Variants in SOBP observed in about 807,000 individuals in gnomAD.
SOBP encodes the protein sine oculis binding protein homolog, also known as sine oculis-binding protein homolog.
SOBP carries 4 observed loss-of-function variants against 53.6 expected under a neutral mutation model. The ratio of observed to expected loss-of-function variants is 0.07; its 90% CI spans 0.04 to 0.17. SOBP has a LOEUF of 0.17. Among genes scored for constraint, SOBP ranks in the 10% least tolerant of loss-of-function variants. The probability of loss-of-function intolerance (pLI) is 1.00; values close to 1 mark genes in which losing one functional copy is unlikely to be tolerated. For missense variants in SOBP, 1,088 were observed against 1,204.7 expected (o/e 0.90, Z 1.43); for synonymous variants, 584 against 522.6 (o/e 1.12, Z -1.60).
At chr6:107,491,410 C>T (rs1030664273) in intron 1 of SOBP, among the ~76,000 whole-genome samples, 1 of 152,252 alleles carries the variant, frequency 6.6e-6, no homozygotes, top group African/African-American at 2.4e-5. Flanking sequence ...CTTTGCAGGG[C>T]GCCTGTCCAT....
intron 4 of SOBP, among the ~76,000 whole-genome samples, chr6:107,553,364 T>C (rs952778988): frequency 1.1e-4 from 17 of 151,394 alleles, no homozygotes; most frequent in Non-Finnish European, 1.5e-4. Flanking sequence ...AGTCTCACTG[T>C]GTCGCCCAGG....
At position 107,659,491 on chromosome 6, in the gene SOBP, A is replaced by G. The variant is rs1772204022; in HGVS notation, c.*1288A>G. 6.6e-6 allele frequency: 1 copy of G among 151,440 alleles called. No individual in the cohort carries two copies. Among genetic ancestry groups the G allele is most frequent in the Non-Finnish European group, 1.5e-5 (1 of 67,816 alleles). 9.4% of individuals were successfully genotyped at this position (151,440 alleles called of 1,614,324 possible). A position where few individuals can be genotyped will look rare whatever the true frequency, so the allele number is the denominator to read the frequency against. On this transcript the variant is annotated 3_prime_UTR_variant, in exon 7 of 7. Coordinates refer to ENST00000317357, the MANE Select transcript of SOBP (RefSeq NM_018013.4). ...ACAGAAAAAAAAAGAAAAAGAAAAG[A>G]AGAGAAAAAATTAAGAAAAAAATCA...
chr6:107,612,219 A>G (rs1238255778), intron 5 of SOBP, among the ~76,000 whole-genome samples: 1 of 152,188 alleles, frequency 6.6e-6, no homozygotes, highest in Non-Finnish European at 1.5e-5. Context: ...CAAATGGTCA[A>G]CATTGGCTCA....
chr6:107,639,418 T>C (rs1156493317), intron 6 of SOBP, among the ~76,000 whole-genome samples: 1 of 152,178 alleles, frequency 6.6e-6, no homozygotes, highest in Non-Finnish European at 1.5e-5. Flanking sequence ...ACAAATGATT[T>C]CAGTGGACAA....
intron 3 of SOBP, among the ~76,000 whole-genome samples, chr6:107,529,134 A>C (rs1393939615): frequency 6.6e-6 from 1 of 152,214 alleles, no homozygotes; most frequent in Non-Finnish European, 1.5e-5. Context: ...ATTGTACAGA[A>C]ACTCCTGGTG....
At position 107,508,586 on chromosome 6, in the gene SOBP, GA is replaced by G. The variant is rs201183925; in HGVS notation, c.421+2169del. ...AGAGTGAGACTCCGTCTCAAAAAAA[GA>G]AAAAAAAAAGTCCTTTCATATTGAG... On this transcript the variant is annotated intron_variant, in intron 3 of 6. Coordinates refer to ENST00000317357, the MANE Select transcript of SOBP (RefSeq NM_018013.4). Among the ~76,000 whole-genome samples the G allele has an allele frequency of 5.4e-3, 786 of 146,022 alleles. 5 individuals are homozygous for G. Among genetic ancestry groups the G allele is most frequent in the African/African-American group, 0.015 (601 of 39,866 alleles).
Position 107,517,348 on chromosome 6 carries a change from G to A in SOBP, c.421+10921G>A, listed in dbSNP as rs114446727. On this transcript the variant is annotated intron_variant, in intron 3 of 6. Transcript: ENST00000317357. ...AGATCAGAGTGCCAGCAGGGTCAATGTCTGGTGAAGTCTCTCTCCTTGGAG... is the reference window on the plus strand; with the variant it reads ...AGATCAGAGTGCCAGCAGGGTCAATATCTGGTGAAGTCTCTCTCCTTGGAG... Among the ~76,000 whole-genome samples, 965 of 152,310 alleles carry A rather than the reference G, an allele frequency of 6.3e-3. 12 individuals are homozygous for A. The highest frequency in any genetic ancestry group is 0.022 in the African/African-American group (925 of 41,574).
At position 107,617,767 on chromosome 6, in the gene SOBP, T is replaced by G. The variant is rs1076786; in HGVS notation, c.670-15747T>G. Among the ~76,000 whole-genome samples the G allele has an allele frequency of 7.4e-3, 1,119 of 150,630 alleles. 22 individuals carry two copies. Among genetic ancestry groups the G allele is most frequent in the African/African-American group, 0.025 (1,034 of 41,112 alleles). Reference sequence around the variant, plus strand: ...ATCCCAGGGCCAAGCCCATGCTCTCTCTTAAAGTGCCTGGCAACACAGATG... The same window carrying G: ...ATCCCAGGGCCAAGCCCATGCTCTCGCTTAAAGTGCCTGGCAACACAGATG... On this transcript the variant is annotated intron_variant, in intron 5 of 6. Transcript: ENST00000317357.
intron 5 of SOBP, among the ~76,000 whole-genome samples, chr6:107,609,092 C>T (rs966337565): frequency 1.4e-4 from 22 of 152,296 alleles, no homozygotes; most frequent in African/African-American, 5.3e-4. Flanking sequence ...CACTTAGATC[C>T]ATGATCTCAG....
intron 4 of SOBP, among the ~76,000 whole-genome samples, chr6:107,574,634 C>T (rs1785171920): frequency 6.6e-6 from 1 of 152,170 alleles, no homozygotes; most frequent in Non-Finnish European, 1.5e-5. Flanking sequence ...CGCTGAATCA[C>T]AGGACTCCCC....
intron 5 of SOBP, among the ~76,000 whole-genome samples, chr6:107,628,186 A>G (rs1290161820): frequency 6.6e-6 from 1 of 152,254 alleles, no homozygotes; most frequent in Admixed American, 6.5e-5. Context: ...CCAAGCAGCC[A>G]TGTCGCTTTA....
At chr6:107,493,109 C>T (rs534601940) in intron 1 of SOBP, among the ~76,000 whole-genome samples, 1 of 152,242 alleles carries the variant, frequency 6.6e-6, no homozygotes. Context: ...TACTATTACT[C>T]CTCCAGCTCC....
At chr6:107,656,005 C>T (rs1260962808) in intron 6 of SOBP, among the ~76,000 whole-genome samples, 1 of 152,164 alleles carries the variant, frequency 6.6e-6, no homozygotes. Context: ...CTCCCTCCTC[C>T]CTTTTAAAGA....
At chr6:107,575,566 A>T (rs1001417999) in intron 4 of SOBP, among the ~76,000 whole-genome samples, 5 of 152,140 alleles carry the variant, frequency 3.3e-5, no homozygotes, top group African/African-American at 1.2e-4. Context: ...GAGGGAATGG[A>T]ACAAACAGAA....
intron 5 of SOBP, among the ~76,000 whole-genome samples, chr6:107,630,732 C>T (rs1449475759): frequency 1.7e-5 from 2 of 118,692 alleles, no homozygotes; most frequent in Non-Finnish European, 3.6e-5. Flanking sequence ...AGGACACACA[C>T]ACACACACAC....
intron 3 of SOBP, among the ~76,000 whole-genome samples, chr6:107,509,080 T>G (rs571976691): frequency 3.3e-5 from 5 of 152,278 alleles, no homozygotes; most frequent in Middle Eastern, 3.4e-3. Context: ...CTCATGTGGT[T>G]GTTGTGGAGA....
intron 5 of SOBP, among the ~76,000 whole-genome samples, chr6:107,600,426 A>G (rs1786136890): frequency 6.6e-6 from 1 of 152,194 alleles, no homozygotes; most frequent in African/African-American, 2.4e-5. Flanking sequence ...TAGCCCCTGC[A>G]AACAATGACA....
At chr6:107,638,520 T>G (rs185785938) in intron 6 of SOBP, among the ~76,000 whole-genome samples, 3 of 152,228 alleles carry the variant, frequency 2.0e-5, no homozygotes, top group African/African-American at 7.2e-5. Context: ...CCCCTTCCTG[T>G]TTTTTTGTGC....
At chr6:107,538,054 C>T (rs1784053436) in intron 4 of SOBP, among the ~76,000 whole-genome samples, 2 of 152,116 alleles carry the variant, frequency 1.3e-5, no homozygotes, top group Non-Finnish European at 2.9e-5. Flanking sequence ...CTGTTATTGG[C>T]ATTTCTTTTA....
Sources: allele counts gnomAD v4.1 joint callset (sites outside exome capture counted in the v4.1 genomes callset), GRCh38; gene constraint gnomAD v4.1.1; transcripts MANE v1.5; gene names NCBI Gene and HGNC (gene_info 2026-07-23, HGNC 2026-07-21).